Variants in PLEKHG4B observed in about 807,000 individuals in gnomAD.
PLEKHG4B encodes pleckstrin homology and RhoGEF domain containing G4B.
PLEKHG4B carries 111 observed loss-of-function variants against 121.3 expected under a neutral mutation model. The observed-to-expected ratio is 0.92, with a 90% CI of 0.78 to 1.07. PLEKHG4B has a LOEUF of 1.07. PLEKHG4B is among the 50% of genes least tolerant of loss of function. PLEKHG4B has a pLI of 0.00. For missense variants in PLEKHG4B, 1,831 were observed against 1,757.8 expected (o/e 1.04, Z -0.74); for synonymous variants, 738 against 725.0 (o/e 1.02, Z -0.29).
At chr5:141,364 A>G (rs369722737) in intron 3 of PLEKHG4B, among the ~76,000 whole-genome samples, 17 of 147,762 alleles carry the variant, frequency 1.2e-4, no homozygotes, top group African/African-American at 4.3e-4. Context: ...CTGTGGGCAG[A>G]GTGTGTTCCC....
chr5:144,080 A>T (rs1032825981), intron 5 of PLEKHG4B: 10 of 155,526 alleles, frequency 6.4e-5, no homozygotes, highest in Middle Eastern at 3.4e-3. Flanking sequence ...GCCAGGCTAA[A>T]TATTTTTTAA....
intron 1 of PLEKHG4B, among the ~76,000 whole-genome samples, chr5:101,738 G>T (rs1437155657): frequency 7.1e-6 from 1 of 140,450 alleles, no homozygotes; most frequent in East Asian, 2.1e-4. Context: ...GGGAGAGACT[G>T]TTGTGAGGTT....
At position 173,920 on chromosome 5, in the gene PLEKHG4B, G is replaced by C; in HGVS notation, c.4224G>C (p.Thr1408=). ...DVYLYKQSFK[T]AEIGMTENVG... is the part of the protein sequence containing the mutation. ...CAATGGGTGTTTGCTGACTGCAGACGGCCGAGATCGGGATGACAGAGAACG... is the reference window on the plus strand; with the variant it reads ...CAATGGGTGTTTGCTGACTGCAGACCGCCGAGATCGGGATGACAGAGAACG... Residue 1408 remains threonine, a splice_region_variant and synonymous_variant, in exon 18 of 20, where the codon ACG becomes ACC. Coordinates refer to ENST00000637938, the MANE Select transcript of PLEKHG4B (RefSeq NM_052909.5). 1 of 1,613,192 alleles carries C rather than the reference G, an allele frequency of 6.2e-7. No homozygotes were observed. The highest frequency in any genetic ancestry group is 8.5e-7 in the Non-Finnish European group (1 of 1,179,754).
At chr5:141,529 G>T (rs1042263245) in intron 3 of PLEKHG4B, among the ~76,000 whole-genome samples, 1 of 150,816 alleles carries the variant, frequency 6.6e-6, no homozygotes, top group Non-Finnish European at 1.5e-5. Context: ...GGCACCCATC[G>T]CTGGATTCGG....
intron 2 of PLEKHG4B, among the ~76,000 whole-genome samples, chr5:128,371 C>G (rs1162797657): frequency 6.6e-6 from 1 of 152,136 alleles, no homozygotes. Context: ...AAATAAAAAC[C>G]ACATGATGAG....
At chr5:152,106 G>C (rs894482645) in intron 7 of PLEKHG4B, among the ~76,000 whole-genome samples, 1 of 151,594 alleles carries the variant, frequency 6.6e-6, no homozygotes. Context: ...CAATGCGAGC[G>C]GGCTTGGTTT....
intron 1 of PLEKHG4B, among the ~76,000 whole-genome samples, chr5:109,566 C>CTGGGA (rs962983751): frequency 6.6e-6 from 1 of 152,168 alleles, no homozygotes. Context: ...GACACAGAAG[C>CTGGGA]TGGGCTGGGC....
rs188282029 is a variant in PLEKHG4B, at chr5:145,287, T to C, written c.1905+367T>C. Among the ~76,000 whole-genome samples, 232 of 152,354 alleles carry C rather than the reference T, an allele frequency of 1.5e-3. 1 individual carries two copies. Among genetic ancestry groups the C allele is most frequent in the Admixed American group, 6.2e-3 (95 of 15,310 alleles). On this transcript the variant is annotated intron_variant, in intron 6 of 19. Transcript: ENST00000637938. ...CTGCCCAGTGCAGCTGCCCCCGCTATGCCCCTCTGTCAGGATGGAGAGCAC... is the reference window on the plus strand; with the variant it reads ...CTGCCCAGTGCAGCTGCCCCCGCTACGCCCCTCTGTCAGGATGGAGAGCAC...
chr5:129,134 A>AT (rs1734704915), intron 2 of PLEKHG4B, among the ~76,000 whole-genome samples: 1 of 152,208 alleles, frequency 6.6e-6, no homozygotes, highest in South Asian at 2.1e-4. Context: ...TGTGGAGGAC[A>AT]TTTGCATTCT....
At chr5:96,819 G>A (rs147482286) in intron 1 of PLEKHG4B, among the ~76,000 whole-genome samples, 162 of 152,280 alleles carry the variant, frequency 1.1e-3, no homozygotes, top group African/African-American at 3.8e-3. Flanking sequence ...TACAGCTAGG[G>A]TGGGAGTAAT....
intron 7 of PLEKHG4B, among the ~76,000 whole-genome samples, chr5:153,543 C>T (rs1208834526): frequency 2.0e-5 from 3 of 152,232 alleles, no homozygotes; most frequent in Admixed American, 6.5e-5. Flanking sequence ...AGTTTACACA[C>T]ATACCGCGGG....
At chr5:177,519 C>T (rs1481834915) in intron 18 of PLEKHG4B, among the ~76,000 whole-genome samples, 2 of 152,088 alleles carry the variant, frequency 1.3e-5, no homozygotes, top group South Asian at 2.1e-4. Flanking sequence ...TCCGAGTGAC[C>T]GGCGGCAAAT....
chr5:117,571 G>A (rs1324184794), intron 2 of PLEKHG4B, among the ~76,000 whole-genome samples: 1 of 152,138 alleles, frequency 6.6e-6, no homozygotes, highest in Non-Finnish European at 1.5e-5. Flanking sequence ...TAGAGAAAAG[G>A]GCCCGGTGCG....
rs749316529 is a variant in PLEKHG4B, at chr5:143,170, G to T, written c.1601G>T (p.Gly534Val). The change falls in exon 4 of 20, where the codon GGC (glycine) becomes GTC (valine). Residue 534 changes from glycine to valine, a missense_variant. Physicochemically the swap from Gly to Val is moderately radical, Grantham distance 109. Coordinates refer to ENST00000637938, the MANE Select transcript of PLEKHG4B (RefSeq NM_052909.5). The part of the protein sequence containing the change: ...PHPEQEGWPP[G>V]TGDFPSQVPK... ...CCCGAGCAAGAAGGGTGGCCACCCG[G>T]CACAGGAGACTTCCCCAGCCAGGTG... 2.5e-6 allele frequency: 4 copies of T among 1,612,028 alleles called. No individual in the cohort carries two copies. The highest frequency in any genetic ancestry group is 1.1e-5 in the South Asian group (1 of 91,086).
chr5:140,226 C>G lies in PLEKHG4B; in HGVS notation c.987C>G (p.Asp329Glu), dbSNP rs895908311. Residue 329 changes from aspartate (D) to glutamate (E), a missense_variant, in exon 3 of 20, where the codon GAC becomes GAG. Asp to Glu is a conservative substitution (Grantham distance 45). Transcript: ENST00000637938. ...CCAAGGCCCTCACCTTCCACACAGA[C>G]CTGGGCATCCCGAGCAGCAGGAGGC... Reference protein sequence around the residue: ...DRPKALTFHTDLGIPSSRRRP... With the variant: ...DRPKALTFHTELGIPSSRRRP... 8.6e-6 allele frequency: 12 copies of G among 1,400,956 alleles called. No individual in the cohort carries two copies. Among genetic ancestry groups the G allele is most frequent in the Admixed American group, 8.5e-5 (3 of 35,416 alleles). The allele number at this position is 1,400,956 out of a possible 1,614,324, so 86.8% of individuals were successfully genotyped here. A position where few individuals can be genotyped will look rare whatever the true frequency, so the allele number is the denominator to read the frequency against.
At chr5:153,372 G>A (rs1172921257) in intron 7 of PLEKHG4B, among the ~76,000 whole-genome samples, 1 of 152,180 alleles carries the variant, frequency 6.6e-6, no homozygotes, top group Non-Finnish European at 1.5e-5. Flanking sequence ...TATTCTGCTG[G>A]GGAGACTGGA....
intron 11 of PLEKHG4B, among the ~76,000 whole-genome samples, chr5:160,197 G>A (rs1735947167): frequency 6.6e-6 from 1 of 152,254 alleles, no homozygotes; most frequent in Non-Finnish European, 1.5e-5. Flanking sequence ...CTGTGTGTGG[G>A]CATGCGCTGC....
At chr5:166,976 G>A (rs762476941) in intron 13 of PLEKHG4B, among the ~76,000 whole-genome samples, 2 of 152,216 alleles carry the variant, frequency 1.3e-5, no homozygotes, top group Non-Finnish European at 2.9e-5. Flanking sequence ...CTCAGCAAGT[G>A]GCTGCACTGA....
intron 2 of PLEKHG4B, among the ~76,000 whole-genome samples, chr5:125,819 A>G (rs1204110972): frequency 6.6e-6 from 1 of 152,148 alleles, no homozygotes; most frequent in Non-Finnish European, 1.5e-5. Context: ...GCTTTTGTTT[A>G]TCTGGGAATG....
Sources: gnomAD v4.1 joint callset for allele counts (sites outside exome capture counted in the v4.1 genomes callset) on GRCh38, gnomAD v4.1.1 for gene constraint, MANE v1.5 for transcripts, NCBI Gene and HGNC (gene_info 2026-07-23, HGNC 2026-07-21) for gene names.